Variants in UBE3A observed in about 807,000 individuals in gnomAD.
UBE3A encodes the protein ubiquitin protein ligase E3A.
In UBE3A, 6 loss-of-function variants were observed where a neutral mutation model predicts 83.4. The ratio of observed to expected loss-of-function variants is 0.07; its 90% CI spans 0.04 to 0.14. The LOEUF is 0.14. UBE3A is among the 10% of genes least tolerant of loss of function. The pLI, the probability that UBE3A is intolerant of heterozygous loss-of-function variation, is 1.00. For synonymous variants in UBE3A, 337 were observed against 355.4 expected, an observed-to-expected ratio of 0.95 and a Z score of 0.58; for missense variants, 456 against 1,036.1, an observed-to-expected ratio of 0.44 and a Z score of 7.69.
chr15:25,348,042 TA>T (rs1007890528), intron 11 of UBE3A, among the ~76,000 whole-genome samples: 1 of 150,556 alleles, frequency 6.6e-6, no homozygotes, highest in Non-Finnish European at 1.5e-5. Flanking sequence ...AACATTAATT[TA>T]AAAAAAAACA....
At chr15:25,394,418 T>C (rs1311904377) in intron 4 of UBE3A, among the ~76,000 whole-genome samples, 1 of 152,170 alleles carries the variant, frequency 6.6e-6, no homozygotes, top group Non-Finnish European at 1.5e-5. Flanking sequence ...ACCAAGAATA[T>C]GATATGAGAA....
At chr15:25,381,984 T>C (rs553735374) in intron 4 of UBE3A, among the ~76,000 whole-genome samples, 2 of 152,348 alleles carry the variant, frequency 1.3e-5, no homozygotes, top group East Asian at 3.9e-4. Context: ...AACAAATCAG[T>C]ATTTTCAGTT....
At chr15:25,357,901 G>GTTTT (rs2077450636) in intron 7 of UBE3A, among the ~76,000 whole-genome samples, 2 of 132,914 alleles carry the variant, frequency 1.5e-5, no homozygotes, top group African/African-American at 5.8e-5. Flanking sequence ...AATCATGGAG[G>GTTTT]CTTTTTTTTT....
rs2078301832 is a variant in UBE3A, at chr15:25,362,605, C to T, written c.1609-2078G>A. 2.0e-5 allele frequency among the ~76,000 whole-genome samples: 3 copies of T among 152,090 alleles called. No individual in the cohort carries two copies. In the South Asian group the frequency reaches 6.2e-4, roughly 32 times the overall value. ...ACTTGATATAGACTAGTTCCAAGAT[C>T]TAGAGTCAAACAAATGTAGATGTGA... is the stretch of plus-strand genomic sequence containing the variant. On this transcript the variant is annotated intron_variant, in intron 6 of 12. Coordinates refer to ENST00000648336, the MANE Select transcript of UBE3A (RefSeq NM_130839.5).
intron 4 of UBE3A, among the ~76,000 whole-genome samples, chr15:25,394,702 T>C (rs2085157373): frequency 6.6e-6 from 1 of 152,320 alleles, no homozygotes; most frequent in African/African-American, 2.4e-5. Flanking sequence ...TTACCCACAT[T>C]CTACAGGCTG....
At chr15:25,350,506 G>T (rs2076345178) in intron 11 of UBE3A, among the ~76,000 whole-genome samples, 1 of 151,986 alleles carries the variant, frequency 6.6e-6, no homozygotes, top group African/African-American at 2.4e-5. Flanking sequence ...AATATCTATA[G>T]TCAATAGAAA....
chr15:25,410,712 A>G lies in UBE3A; in HGVS notation c.-101+1196T>C, dbSNP rs1302176605. Reference sequence around the variant, plus strand: ...AGATTAGGTGAGGATTGGCCTGAATATATAAAAATAATTGCAGGGGATTCC... The same window carrying G: ...AGATTAGGTGAGGATTGGCCTGAATGTATAAAAATAATTGCAGGGGATTCC... On this transcript the variant is annotated intron_variant, in intron 2 of 12. Coordinates refer to ENST00000648336, the MANE Select transcript of UBE3A (RefSeq NM_130839.5). Among the ~76,000 whole-genome samples the G allele has an allele frequency of 2.0e-5, 3 of 152,238 alleles. No individual in the cohort carries two copies. The East Asian group carries it at 5.8e-4, about 29-fold the overall frequency.
At chr15:25,347,358 C>T (rs1566857326) in intron 11 of UBE3A, 1 of 152,058 alleles carries the variant, frequency 6.6e-6, no homozygotes, top group Non-Finnish European at 1.5e-5. Flanking sequence ...GGTGGTAAGT[C>T]ACATTATCTA....
At position 25,430,046 on chromosome 15, in the gene UBE3A, TA is replaced by T. The variant is rs1892680063; in HGVS notation, c.-165+8442del. 6.2e-5 allele frequency among the ~76,000 whole-genome samples: 7 copies of T among 113,556 alleles called. 1 individual carries two copies. Among genetic ancestry groups the T allele is most frequent in the Admixed American group, 1.1e-4 (1 of 9,512 alleles). 74.5% of individuals were successfully genotyped at this position (113,556 alleles called of 152,430 possible). ...AAAAACCTATATATATATATATATA[TA>T]TATTTATATGTATTATATATATATA... On this transcript the variant is annotated intron_variant, in intron 1 of 12. Transcript: ENST00000648336.
chr15:25,411,317 T>C (rs34212558), intron 2 of UBE3A, among the ~76,000 whole-genome samples: 18,149 of 152,264 alleles, frequency 0.12, 1,159 homozygotes, highest in Middle Eastern at 0.23. Flanking sequence ...TGGCTGGGCG[T>C]GGTGGCTAAC....
intron 1 of UBE3A, among the ~76,000 whole-genome samples, chr15:25,435,497 T>G (rs1416252495): frequency 1.3e-5 from 2 of 152,176 alleles, no homozygotes; most frequent in African/African-American, 4.8e-5. Flanking sequence ...TATTAAGAGG[T>G]GGGGCCTTTG....
At chr15:25,400,377 A>G (rs1161187575) in intron 4 of UBE3A, among the ~76,000 whole-genome samples, 2 of 152,204 alleles carry the variant, frequency 1.3e-5, no homozygotes, top group Admixed American at 6.5e-5. Flanking sequence ...TATACTTTAA[A>G]TCATTACTTA....
chr15:25,401,555 C>T (rs1293162316), intron 4 of UBE3A, among the ~76,000 whole-genome samples: 1 of 152,126 alleles, frequency 6.6e-6, no homozygotes, highest in Non-Finnish European at 1.5e-5. Flanking sequence ...TTATCCATTT[C>T]TTCTATGGTA....
At chr15:25,405,604 C>CAAAA in intron 3 of UBE3A, 102 bp from the exon 4 acceptor site, 1 of 1,259,494 alleles carries the variant, frequency 7.9e-7, no homozygotes, top group South Asian at 1.2e-5. Context: ...AAGATTTAAG[C>CAAAA]ACTAAATAAA....
chr15:25,387,937 A>C (rs2083477103), intron 4 of UBE3A, among the ~76,000 whole-genome samples: 1 of 152,226 alleles, frequency 6.6e-6, no homozygotes, highest in South Asian at 2.1e-4. Flanking sequence ...TCTTGATTAA[A>C]AAGCATATAT....
chr15:25,435,692 GA>G, intron 1 of UBE3A, among the ~76,000 whole-genome samples: 1 of 152,142 alleles, frequency 6.6e-6, no homozygotes, highest in East Asian at 1.9e-4. Context: ...TCAGCCCCCA[GA>G]ACCGTGAGAA....
At chr15:25,437,544 T>C (rs1056059410) in intron 1 of UBE3A, among the ~76,000 whole-genome samples, 16 of 152,224 alleles carry the variant, frequency 1.1e-4, no homozygotes, top group Admixed American at 2.0e-4. Context: ...TTCTTCATGA[T>C]TGAGGTTAAC....
chr15:25,366,691 C>CT (rs1449658558), intron 6 of UBE3A, among the ~76,000 whole-genome samples: 1 of 152,150 alleles, frequency 6.6e-6, no homozygotes, highest in Non-Finnish European at 1.5e-5. Flanking sequence ...TCTTAAAAAT[C>CT]TGAGTTTCCA....
chr15:25,427,358 AGAAG>A (rs1891623804), intron 1 of UBE3A, among the ~76,000 whole-genome samples: 3 of 151,992 alleles, frequency 2.0e-5, no homozygotes, highest in Admixed American at 2.0e-4. Context: ...CCTATAAGAT[AGAAG>A]GAAGATGGAT....
Sources: allele counts gnomAD v4.1 joint callset (sites outside exome capture counted in the v4.1 genomes callset), GRCh38; gene constraint gnomAD v4.1.1; transcripts MANE v1.5; gene names NCBI Gene and HGNC (gene_info 2026-07-23, HGNC 2026-07-21).